Variants in MSANTD2 observed in about 807,000 individuals in gnomAD.
MSANTD2 encodes myb/SANT-like DNA-binding domain-containing protein 2.
MSANTD2 carries 19 observed loss-of-function variants against 52.6 expected under a neutral mutation model. The ratio of observed to expected loss-of-function variants is 0.36; its 90% CI spans 0.25 to 0.53. The LOEUF is 0.53. MSANTD2 is among the 20% of genes least tolerant of loss of function. The pLI, the probability that MSANTD2 is intolerant of heterozygous loss-of-function variation, is 0.91. For synonymous variants in MSANTD2, 291 were observed against 289.7 expected, an observed-to-expected ratio of 1.00 and a Z score of -0.04; for missense variants, 558 against 716.3, an observed-to-expected ratio of 0.78 and a Z score of 2.52.
At chr11:124,769,366 T>C (rs1293581809) in intron 3 of MSANTD2, among the ~76,000 whole-genome samples, 1 of 152,214 alleles carries the variant, frequency 6.6e-6, no homozygotes, top group Non-Finnish European at 1.5e-5. Flanking sequence ...AGTGGCTATC[T>C]AGATGAAATC....
At chr11:124,781,519 C>G (rs966122002) in intron 1 of MSANTD2, among the ~76,000 whole-genome samples, 1 of 152,182 alleles carries the variant, frequency 6.6e-6, no homozygotes, top group Non-Finnish European at 1.5e-5. Flanking sequence ...CATCTTCCAG[C>G]TTTAACACTG....
chr11:124,790,086 T>C (rs1431195689), intron 1 of MSANTD2: 1 of 152,272 alleles, frequency 6.6e-6, no homozygotes, highest in East Asian at 1.9e-4. Context: ...AGAAAACAAC[T>C]GCTGGTTCTA....
At chr11:124,769,806 T>C (rs2135228616) in intron 3 of MSANTD2, among the ~76,000 whole-genome samples, 1 of 152,352 alleles carries the variant, frequency 6.6e-6, no homozygotes, top group African/African-American at 2.4e-5. Flanking sequence ...AATGCTATAG[T>C]CAGACCCTGC....
At chr11:124,797,461 C>T (rs1945530813) in intron 1 of MSANTD2, among the ~76,000 whole-genome samples, 1 of 152,140 alleles carries the variant, frequency 6.6e-6, no homozygotes, top group Non-Finnish European at 1.5e-5. Context: ...CACGTTACTG[C>T]ACTCCAGCTT....
At chr11:124,780,319 T>G (rs969606336) in intron 1 of MSANTD2, among the ~76,000 whole-genome samples, 10 of 152,226 alleles carry the variant, frequency 6.6e-5, no homozygotes, top group African/African-American at 2.4e-4. Context: ...TCTTAGGTTT[T>G]CTGTTCATTG....
At chr11:124,786,838 G>A (rs1179399157) in intron 1 of MSANTD2, among the ~76,000 whole-genome samples, 1 of 152,112 alleles carries the variant, frequency 6.6e-6, no homozygotes, top group African/African-American at 2.4e-5. Context: ...TGATAATCAC[G>A]TCGTTGCCAA....
Position 124,791,464 on chromosome 11 carries a change from G to A in MSANTD2, c.510+8407C>T, listed in dbSNP as rs981335379. ...TCCGGACCCCTCCCCACCTGCACTG[G>A]GAGGTCAGGCGAGTCACTCTCCTAA... On this transcript the variant is annotated intron_variant, in intron 1 of 3. Transcript: ENST00000374979. 47 of 1,171,806 alleles carry A rather than the reference G, an allele frequency of 4.0e-5. 1 individual carries two copies. In the Admixed American group the frequency reaches 8.2e-4, roughly 21 times the overall value. The allele number at this position is 1,171,806 out of a possible 1,614,324, so 72.6% of individuals were successfully genotyped here. A position where few individuals can be genotyped will look rare whatever the true frequency, so the allele number is the denominator to read the frequency against.
At chr11:124,778,282 CCTTT>C (rs1359596394) in intron 1 of MSANTD2, among the ~76,000 whole-genome samples, 1 of 152,172 alleles carries the variant, frequency 6.6e-6, no homozygotes, top group East Asian at 1.9e-4. Flanking sequence ...CTTTCTTCTT[CCTTT>C]ATTTTACTCA....
intron 1 of MSANTD2, among the ~76,000 whole-genome samples, chr11:124,798,260 A>T (rs943468077): frequency 6.9e-6 from 1 of 144,716 alleles, no homozygotes; most frequent in Non-Finnish European, 1.5e-5. Flanking sequence ...AAAAAAAAAA[A>T]TTTAATGAGC....
At chr11:124,781,612 A>T (rs979732517) in intron 1 of MSANTD2, among the ~76,000 whole-genome samples, 13 of 151,170 alleles carry the variant, frequency 8.6e-5, no homozygotes, top group Non-Finnish European at 1.8e-4. Flanking sequence ...AGTCTAATTT[A>T]TGACTCTATT....
In MSANTD2 at chr11:124,774,687, A is replaced by T; in HGVS notation, c.766+32T>A. The T allele has an allele frequency of 1.9e-6, 3 of 1,603,990 alleles. No homozygotes were observed. The highest frequency in any genetic ancestry group is 2.6e-6 in the Non-Finnish European group (3 of 1,173,180). On this transcript the variant is annotated intron_variant, in intron 2 of 3. Transcript: ENST00000374979. This position sits in a 1 kb window ranked among gnomAD's most constrained non-coding sequence, Gnocchi z 5.1. ...ACATAAAGGTATATAAATATACACAAACATAAGTATCATATATGTTGGCTT... is the reference window on the plus strand; with the variant it reads ...ACATAAAGGTATATAAATATACACATACATAAGTATCATATATGTTGGCTT...
rs746567748 is a variant in MSANTD2, at chr11:124,767,321, G to A, written c.1535C>T (p.Ser512Phe). 16 of 1,614,218 alleles carry A rather than the reference G, an allele frequency of 9.9e-6. No homozygotes were observed. The highest frequency in any genetic ancestry group is 1.7e-5 in the Admixed American group (1 of 60,026). Residue 512 changes from serine to phenylalanine, a missense_variant, in exon 4 of 4, where the codon TCT becomes TTT. Coordinates refer to ENST00000374979, the MANE Select transcript of MSANTD2 (RefSeq NM_001308027.2). This position sits in a 1 kb window ranked among gnomAD's most constrained non-coding sequence, Gnocchi z 6.5. The stretch of plus-strand genomic sequence containing the variant: ...TCCGGGATCCACAATACAGTTCTGA[G>A]ACAAAAACCCGTTAATACCAACCCA... Reference protein sequence around the residue: ...KDWVGINGFLSQNCIVDPGVS... With the variant: ...KDWVGINGFLFQNCIVDPGVS...
chr11:124,774,782 A>G lies in MSANTD2; in HGVS notation c.703T>C (p.Ser235Pro). ...CTGTGGTTTCCCCAGTCCTCCTGTG[A>G]ATAGTCCTCCATAGTGCTGCCATCT... The part of the protein sequence containing the change: ...ESDGSTMEDY[S>P]QEDWGNHSQD... The change falls in exon 2 of 4, where the codon TCA becomes CCA. Residue 235 changes from serine to proline, a missense_variant. Physicochemically the swap from Ser to Pro is moderately conservative, Grantham distance 74 (BLOSUM62 -1). This residue lies in a region of MSANTD2 where 408 missense variants were observed against 573.6 expected (regional missense o/e 0.71). Transcript: ENST00000374979. This position sits in a 1 kb window ranked among gnomAD's most constrained non-coding sequence, Gnocchi z 5.1. The G allele has an allele frequency of 1.2e-6, 2 of 1,614,196 alleles. No individual in the cohort carries two copies. Among genetic ancestry groups the G allele is most frequent in the South Asian group, 2.2e-5 (2 of 91,078 alleles).
chr11:124,782,595 G>A (rs1945019131), intron 1 of MSANTD2, among the ~76,000 whole-genome samples: 1 of 152,198 alleles, frequency 6.6e-6, no homozygotes, highest in South Asian at 2.1e-4. Context: ...TTTGGCATAT[G>A]AAAATTATCA....
chr11:124,783,325 T>G (rs1292620003), intron 1 of MSANTD2, among the ~76,000 whole-genome samples: 4 of 152,268 alleles, frequency 2.6e-5, no homozygotes, highest in Admixed American at 6.5e-5. Context: ...CTAGAATATA[T>G]ATTAATAATT....
intron 2 of MSANTD2, chr11:124,773,474 T>C (rs1944618286): frequency 6.2e-6 from 1 of 162,496 alleles, no homozygotes; most frequent in Admixed American, 6.3e-5. Flanking sequence ...TTGAGTGACT[T>C]AACTCTCTAC....
chr11:124,768,507 T>G (rs1257191543), intron 3 of MSANTD2, among the ~76,000 whole-genome samples: 1 of 152,206 alleles, frequency 6.6e-6, no homozygotes, highest in Admixed American at 6.5e-5. Context: ...TCACTTAAAA[T>G]AATTAACAGC....
Position 124,767,662 on chromosome 11 carries a change from G to A in MSANTD2, c.1194C>T (p.Ala398=). ...LHMEIDWIPI[A]HSKPTGGNVV... is the part of the protein sequence containing the mutation. ...CATTCCCACCAGTTGGTTTGGAGTG[G>A]GCAATGGGTATCCAGTCAATTTCCA... Residue 398 remains alanine, a synonymous_variant, in exon 4 of 4, where the codon GCC becomes GCT. Coordinates refer to ENST00000374979, the MANE Select transcript of MSANTD2 (RefSeq NM_001308027.2). This position sits in a 1 kb window ranked among gnomAD's most constrained non-coding sequence, Gnocchi z 6.5. 1 of 1,614,166 alleles carries A rather than the reference G, an allele frequency of 6.2e-7. No homozygotes were observed. The highest frequency in any genetic ancestry group is 8.5e-7 in the Non-Finnish European group (1 of 1,180,030).
chr11:124,788,741 T>C (rs1591470124), intron 1 of MSANTD2, among the ~76,000 whole-genome samples: 1 of 152,182 alleles, frequency 6.6e-6, no homozygotes, highest in Non-Finnish European at 1.5e-5. Flanking sequence ...AGCACTTTGC[T>C]GCTTGGTAGT....
Sources: allele counts gnomAD v4.1 joint callset (sites outside exome capture counted in the v4.1 genomes callset), GRCh38; gene constraint gnomAD v4.1.1; regional missense constraint gnomAD v4.1.1; non-coding constraint Gnocchi (gnomAD v3.1); transcripts MANE v1.5; gene names NCBI Gene and HGNC (gene_info 2026-07-23, HGNC 2026-07-21).